Variants in CDK14 observed in about 807,000 individuals in gnomAD.
CDK14 encodes cyclin dependent kinase 14.
In CDK14, 34 loss-of-function variants were observed where a neutral mutation model predicts 60.7. That is an observed-to-expected ratio of 0.56 (90% CI 0.43 to 0.75). The LOEUF is 0.75. CDK14 is among the 30% of genes least tolerant of loss of function. The pLI, the probability that CDK14 is intolerant of heterozygous loss-of-function variation, is 0.00. For missense variants in CDK14, 482 were observed against 564.1 expected (o/e 0.85, Z 1.47); for synonymous variants, 197 against 203.7 (o/e 0.97, Z 0.28).
At chr7:91,195,080 A>G (rs1802491105) in intron 14 of CDK14, among the ~76,000 whole-genome samples, 1 of 152,168 alleles carries the variant, frequency 6.6e-6, no homozygotes, top group Non-Finnish European at 1.5e-5. Context: ...TGACACTTTA[A>G]TTGTTTTATA....
intron 4 of CDK14, among the ~76,000 whole-genome samples, chr7:90,770,589 G>A (rs951397257): frequency 1.3e-5 from 2 of 152,288 alleles, no homozygotes; most frequent in South Asian, 4.1e-4. Context: ...TACTTAACTG[G>A]ATTAATTTTG....
At chr7:90,729,035 G>A (rs1563059772) in intron 3 of CDK14, among the ~76,000 whole-genome samples, 1 of 150,474 alleles carries the variant, frequency 6.6e-6, no homozygotes, top group African/African-American at 2.5e-5. Context: ...ACTTTCTCAT[G>A]ATTTTTTTTT....
intron 14 of CDK14, among the ~76,000 whole-genome samples, chr7:91,181,444 G>A (rs918179894): frequency 2.6e-5 from 4 of 151,996 alleles, no homozygotes; most frequent in Admixed American, 6.6e-5. Context: ...TTTTGTGATG[G>A]TGATGTATAT....
At chr7:90,708,890 G>C (rs972332353) in intron 2 of CDK14, among the ~76,000 whole-genome samples, 18 of 152,072 alleles carry the variant, frequency 1.2e-4, no homozygotes, top group African/African-American at 4.3e-4. Flanking sequence ...TCTGTGTACC[G>C]AGGACAGGAA....
intron 4 of CDK14, among the ~76,000 whole-genome samples, chr7:90,767,724 ATTC>A (rs1443116254): frequency 6.6e-6 from 1 of 152,190 alleles, no homozygotes; most frequent in Non-Finnish European, 1.5e-5. Flanking sequence ...CAACCCTTTT[ATTC>A]TTCTCACAAA....
chr7:90,684,497 C>T (rs977575937), intron 2 of CDK14, among the ~76,000 whole-genome samples: 12 of 152,124 alleles, frequency 7.9e-5, no homozygotes, highest in African/African-American at 2.9e-4. Context: ...GTTGATTTAA[C>T]TTTATTTTTT....
At chr7:91,003,436 C>CTTT (rs1404439422) in intron 10 of CDK14, among the ~76,000 whole-genome samples, 1 of 152,078 alleles carries the variant, frequency 6.6e-6, no homozygotes, top group Non-Finnish European at 1.5e-5. Flanking sequence ...GGTTTGCCTA[C>CTTT]TGAAAAAGAG....
chr7:90,873,192 A>G (rs540915596), intron 6 of CDK14, among the ~76,000 whole-genome samples: 53 of 152,256 alleles, frequency 3.5e-4, no homozygotes, highest in African/African-American at 1.3e-3. Flanking sequence ...ATCAGCTTGG[A>G]GAGATTAGAG....
intron 5 of CDK14, among the ~76,000 whole-genome samples, chr7:90,851,599 C>A (rs1165249525): frequency 6.6e-6 from 1 of 152,088 alleles, no homozygotes; most frequent in African/African-American, 2.4e-5. Context: ...CTGTTTGTAA[C>A]CCAAACTGTC....
At position 91,130,093 on chromosome 7, in the gene CDK14, A is replaced by G. The variant is rs149730607; in HGVS notation, c.*28+11885A>G. Among the ~76,000 whole-genome samples, 121 of 152,268 alleles carry G rather than the reference A, an allele frequency of 7.9e-4. 2 individuals are homozygous for G. Among genetic ancestry groups the G allele is most frequent in the African/African-American group, 2.9e-3 (119 of 41,570 alleles). ...AAAGAAGAATATATCTGAAAGGGCT[A>G]TTAAAATACTTTTTTCTTTTCCAAC... On this transcript the variant is annotated intron_variant, in intron 14 of 14. Transcript: ENST00000380050.
chr7:91,084,118 G>A (rs1424782827), intron 12 of CDK14, among the ~76,000 whole-genome samples: 1 of 152,208 alleles, frequency 6.6e-6, no homozygotes, highest in African/African-American at 2.4e-5. Flanking sequence ...GAGATCAAAT[G>A]ATCAGCACAA....
chr7:90,645,340 A>G (rs1182565681), intron 2 of CDK14, among the ~76,000 whole-genome samples: 1 of 142,746 alleles, frequency 7.0e-6, no homozygotes, highest in East Asian at 2.5e-4. Context: ...TCTTATTTTT[A>G]ATTATTGAAT....
intron 14 of CDK14, among the ~76,000 whole-genome samples, chr7:91,179,880 A>C (rs2115870476): frequency 6.6e-6 from 1 of 152,280 alleles, no homozygotes; most frequent in African/African-American, 2.4e-5. Context: ...TCATTCATGT[A>C]CCAATATAAT....
intron 5 of CDK14, among the ~76,000 whole-genome samples, chr7:90,796,235 A>G (rs1162556090): frequency 2.6e-5 from 4 of 152,176 alleles, no homozygotes; most frequent in Non-Finnish European, 5.9e-5. Context: ...CATATTAGGG[A>G]CAAAAATCTG....
intron 12 of CDK14, among the ~76,000 whole-genome samples, chr7:91,102,633 T>G (rs574533017): frequency 6.7e-6 from 1 of 149,540 alleles, no homozygotes; most frequent in Non-Finnish European, 1.5e-5. Flanking sequence ...AAAAAAACCC[T>G]AAATCAAAAC....
intron 10 of CDK14, among the ~76,000 whole-genome samples, chr7:91,036,060 G>A (rs1320733078): frequency 6.6e-6 from 1 of 152,046 alleles, no homozygotes; most frequent in Non-Finnish European, 1.5e-5. Context: ...AGCCAGGATG[G>A]TCTCGATCTC....
chr7:90,636,406 C>T (rs1426324251), intron 2 of CDK14, among the ~76,000 whole-genome samples: 1 of 152,102 alleles, frequency 6.6e-6, no homozygotes, highest in Admixed American at 6.5e-5. Context: ...TGATTTTTGT[C>T]ATTGGTTCTG....
At chr7:90,663,490 CT>C (rs1410352910) in intron 2 of CDK14, among the ~76,000 whole-genome samples, 1 of 152,144 alleles carries the variant, frequency 6.6e-6, no homozygotes, top group Non-Finnish European at 1.5e-5. Context: ...TAGTTTATGC[CT>C]TTGAGCTCTG....
chr7:90,807,498 A>G (rs1462248080), intron 5 of CDK14, among the ~76,000 whole-genome samples: 1 of 152,210 alleles, frequency 6.6e-6, no homozygotes, highest in Non-Finnish European at 1.5e-5. Context: ...AAGGTAGATA[A>G]AACCACAAAG....
Sources: gnomAD v4.1 joint callset for allele counts (sites outside exome capture counted in the v4.1 genomes callset) on GRCh38, gnomAD v4.1.1 for gene constraint, MANE v1.5 for transcripts, NCBI Gene and HGNC (gene_info 2026-07-23, HGNC 2026-07-21) for gene names.